ATG10: variants seen among roughly 807,000 people sequenced by gnomAD.
ATG10 encodes the protein ubiquitin-like-conjugating enzyme ATG10.
Under a neutral mutation model 32.1 loss-of-function variants are expected in ATG10, and 30 were observed. The ratio of observed to expected loss-of-function variants is 0.94; its 90% CI spans 0.70 to 1.27. The LOEUF (loss-of-function observed/expected upper bound fraction) is 1.27, where lower values mean the gene tolerates loss of function less well. ATG10 is among the 50% of genes most tolerant of loss of function. The pLI, the probability that ATG10 is intolerant of heterozygous loss-of-function variation, is 0.00. For synonymous variants in ATG10, 87 were observed against 91.5 expected (o/e 0.95, Z 0.28); for missense variants, 233 against 262.3 (o/e 0.89, Z 0.77).
chr5:82,011,255 G>A (rs915101394), intron 2 of ATG10, among the ~76,000 whole-genome samples: 3 of 151,978 alleles, frequency 2.0e-5, no homozygotes, highest in African/African-American at 7.3e-5. Flanking sequence ...GACCCTGAAG[G>A]TTTTACATTC....
At chr5:82,035,323 G>A (rs1008387922) in intron 2 of ATG10, among the ~76,000 whole-genome samples, 2 of 152,184 alleles carry the variant, frequency 1.3e-5, no homozygotes, top group Non-Finnish European at 2.9e-5. Context: ...TAAGCTCCAT[G>A]AAGGCAAGAA....
At chr5:82,108,798 T>C (rs1175915919) in intron 3 of ATG10, among the ~76,000 whole-genome samples, 1 of 152,002 alleles carries the variant, frequency 6.6e-6, no homozygotes, top group South Asian at 2.1e-4. Flanking sequence ...TTTCAGTCTA[T>C]GTGACTATGT....
At chr5:82,201,493 T>C (rs1048324061) in intron 5 of ATG10, among the ~76,000 whole-genome samples, 1 of 152,218 alleles carries the variant, frequency 6.6e-6, no homozygotes, top group Non-Finnish European at 1.5e-5. Flanking sequence ...CTCTCTGTTC[T>C]GTTTCATTGA....
chr5:82,192,122 C>T (rs1017348589), intron 5 of ATG10, among the ~76,000 whole-genome samples: 5 of 152,182 alleles, frequency 3.3e-5, no homozygotes, highest in Non-Finnish European at 7.3e-5. Flanking sequence ...CTTCACTGTC[C>T]AGAGGACGGG....
At chr5:82,084,670 A>C (rs998261057) in intron 3 of ATG10, among the ~76,000 whole-genome samples, 6 of 152,158 alleles carry the variant, frequency 3.9e-5, no homozygotes, top group Non-Finnish European at 5.9e-5. Context: ...AGAGTGGGGG[A>C]CGGTATTCAA....
chr5:81,977,827 G>C lies in ATG10; in HGVS notation c.-13+5521G>C, dbSNP rs995944739. On this transcript the variant is annotated intron_variant, in intron 1 of 7. Coordinates refer to ENST00000282185, the MANE Select transcript of ATG10 (RefSeq NM_031482.5). ...CACTCACAGCAAGCACTAGGGTATTGTAGGTACTGAGTGAATGAATGAAAA... is the reference window on the plus strand; with the variant it reads ...CACTCACAGCAAGCACTAGGGTATTCTAGGTACTGAGTGAATGAATGAAAA... 2.0e-5 allele frequency among the ~76,000 whole-genome samples: 3 copies of C among 152,304 alleles called. No individual in the cohort carries two copies. In the South Asian group the frequency reaches 6.2e-4, roughly 32 times the overall value.
intron 3 of ATG10, among the ~76,000 whole-genome samples, chr5:82,143,615 TA>T (rs1201816414): frequency 7.9e-5 from 12 of 152,340 alleles, no homozygotes; most frequent in East Asian, 5.8e-4. Flanking sequence ...GTGCAGACTG[TA>T]AAGATGAGAG....
intron 2 of ATG10, among the ~76,000 whole-genome samples, chr5:81,998,408 G>A (rs955527709): frequency 5.9e-5 from 9 of 152,162 alleles, no homozygotes; most frequent in African/African-American, 2.2e-4. Context: ...GGAAAGGAAA[G>A]ACTGTTACTG....
rs976421511 is a variant in ATG10 at position 82,058,359 on chromosome 5, C to T, written c.109-136C>T. The stretch of plus-strand genomic sequence containing the variant: ...TACGTACAGGGTGTTGGACTAGTCT[C>T]TTTATCCATATAGTCTCATTTAGTA... On this transcript the variant is annotated intron_variant, in intron 2 of 7. Coordinates refer to ENST00000282185, the MANE Select transcript of ATG10 (RefSeq NM_031482.5). 4.8e-6 allele frequency: 3 copies of T among 623,764 alleles called. No homozygotes were observed. In the East Asian group the frequency reaches 8.1e-5, roughly 17 times the overall value. 38.6% of individuals were successfully genotyped at this position (623,764 alleles called of 1,614,324 possible). A position where few individuals can be genotyped will look rare whatever the true frequency, so the allele number is the denominator to read the frequency against.
At chr5:82,155,620 A>C (rs1189258965) in intron 3 of ATG10, among the ~76,000 whole-genome samples, 2 of 152,200 alleles carry the variant, frequency 1.3e-5, no homozygotes, top group Non-Finnish European at 2.9e-5. Flanking sequence ...GGAACTAGAG[A>C]TATAAGAAAA....
intron 3 of ATG10, among the ~76,000 whole-genome samples, chr5:82,082,163 C>A (rs1055942099): frequency 6.6e-6 from 1 of 151,940 alleles, no homozygotes; most frequent in Non-Finnish European, 1.5e-5. Flanking sequence ...GGGGGGGGGA[C>A]ACAGCCAAAC....
chr5:82,175,571 G>A (rs1421315366), intron 4 of ATG10, among the ~76,000 whole-genome samples: 1 of 152,210 alleles, frequency 6.6e-6, no homozygotes, highest in Non-Finnish European at 1.5e-5. Context: ...ATTATATCTT[G>A]ATAAAGTTAT....
intron 5 of ATG10, among the ~76,000 whole-genome samples, chr5:82,249,488 T>A (rs1157698280): frequency 6.6e-6 from 1 of 152,214 alleles, no homozygotes; most frequent in Non-Finnish European, 1.5e-5. Flanking sequence ...TAGATATTAA[T>A]GGGTTAAATA....
rs114103422 is a variant in ATG10 at position 82,243,751 on chromosome 5, G to A, written c.454-8811G>A. Reference sequence around the variant, plus strand: ...TTTCTCTTAGAAATTAATAAGTCAAGCAAACCAGGATATACATATGGACAA... The same window carrying A: ...TTTCTCTTAGAAATTAATAAGTCAAACAAACCAGGATATACATATGGACAA... On this transcript the variant is annotated intron_variant, in intron 5 of 7. Transcript: ENST00000282185. 5.5e-3 allele frequency among the ~76,000 whole-genome samples: 835 copies of A among 152,184 alleles called. 8 individuals carry two copies. The highest frequency in any genetic ancestry group is 0.016 in the African/African-American group (676 of 41,544).
intron 3 of ATG10, among the ~76,000 whole-genome samples, chr5:82,084,980 A>G (rs926920177): frequency 1.3e-5 from 2 of 152,194 alleles, no homozygotes; most frequent in Non-Finnish European, 2.9e-5. Flanking sequence ...CACACAGAAC[A>G]ATATTAACCT....
chr5:82,154,135 T>A (rs1767720176), intron 3 of ATG10, among the ~76,000 whole-genome samples: 1 of 152,142 alleles, frequency 6.6e-6, no homozygotes, highest in Admixed American at 6.6e-5. Context: ...AAAAAGAATT[T>A]AAAAAGAATA....
At chr5:81,972,697 T>A (rs1208549198) in intron 1 of ATG10, 1 of 152,200 alleles carries the variant, frequency 6.6e-6, no homozygotes, top group Non-Finnish European at 1.5e-5. Context: ...CCAACTTAAT[T>A]TGAAGTTTCA....
In ATG10 at chr5:82,135,785, T is replaced by C. The variant is rs182019845; in HGVS notation, c.217-28614T>C. Among the ~76,000 whole-genome samples, 99 of 152,352 alleles carry C rather than the reference T, an allele frequency of 6.5e-4. 1 individual carries two copies. The East Asian group carries it at 0.013, about 20-fold the overall frequency. The stretch of plus-strand genomic sequence containing the variant: ...GTCCTGAATATCCTTGTTAATTTTC[T>C]GTCTTGTTGATCTTTCTAATATTGA... On this transcript the variant is annotated intron_variant, in intron 3 of 7. Transcript: ENST00000282185.
intron 3 of ATG10, among the ~76,000 whole-genome samples, chr5:82,092,292 T>C (rs926848410): frequency 1.3e-5 from 2 of 152,174 alleles, no homozygotes; most frequent in Non-Finnish European, 2.9e-5. Context: ...AACTGCTAAA[T>C]ATACAGAATT....
Sources: allele counts gnomAD v4.1 joint callset (sites outside exome capture counted in the v4.1 genomes callset), GRCh38; gene constraint gnomAD v4.1.1; transcripts MANE v1.5; gene names NCBI Gene and HGNC (gene_info 2026-07-23, HGNC 2026-07-21).